The following DLC1 variants were observed in gnomAD, a reference collection of about 807,000 sequenced individuals.
DLC1 encodes the protein rho GTPase-activating protein 7.
DLC1 carries 54 observed loss-of-function variants against 140.3 expected under a neutral mutation model. The ratio of observed to expected loss-of-function variants is 0.38; its 90% CI spans 0.31 to 0.48. DLC1 has a LOEUF of 0.48. DLC1 is among the 20% of genes least tolerant of loss of function. The pLI, the probability that DLC1 is intolerant of heterozygous loss-of-function variation, is 0.96. For missense variants in DLC1, 2,536 were observed against 1,907.0 expected (o/e 1.33, Z -6.14); for synonymous variants, 986 against 728.1 (o/e 1.35, Z -5.70).
Position 13,419,614 on chromosome 8 carries a change from C to A in DLC1, c.1024-17995G>T, listed in dbSNP as rs192899954. On this transcript the variant is annotated intron_variant, in intron 2 of 17. Transcript: ENST00000276297. ...TTGATGTGCTGCTGCATTCTGTTTG[C>A]CAGTATTTTATTGAGGATTTTTGCA... Among the ~76,000 whole-genome samples the A allele has an allele frequency of 1.8e-3, 273 of 152,270 alleles. 1 individual carries two copies. Among genetic ancestry groups the A allele is most frequent in the African/African-American group, 6.4e-3 (265 of 41,572 alleles).
chr8:13,210,739 G>T (rs1827896522), intron 5 of DLC1, among the ~76,000 whole-genome samples: 1 of 152,164 alleles, frequency 6.6e-6, no homozygotes, highest in Non-Finnish European at 1.5e-5. Context: ...TCAGTGACTT[G>T]ATAGTTAAAT....
intron 4 of DLC1, among the ~76,000 whole-genome samples, chr8:13,369,532 A>G (rs1185668245): frequency 6.6e-6 from 1 of 152,118 alleles, no homozygotes; most frequent in Non-Finnish European, 1.5e-5. Context: ...GTTTCCTTTG[A>G]TGAGTTCTCT....
chr8:13,345,707 G>C (rs1041332027), intron 4 of DLC1, among the ~76,000 whole-genome samples: 1 of 151,710 alleles, frequency 6.6e-6, no homozygotes, highest in African/African-American at 2.4e-5. Context: ...ACAGGCACCT[G>C]CCACCACGCC....
intron 2 of DLC1, among the ~76,000 whole-genome samples, chr8:13,407,069 A>C (rs182039820): frequency 6.6e-6 from 1 of 152,204 alleles, no homozygotes. Flanking sequence ...TCTTTCAGAC[A>C]TAGGTCAATA....
At chr8:13,395,102 T>C (rs756334004) in intron 3 of DLC1, among the ~76,000 whole-genome samples, 1 of 144,112 alleles carries the variant, frequency 6.9e-6, no homozygotes, top group Non-Finnish European at 1.5e-5. Context: ...TATCCATCTA[T>C]GCATCCATCT....
intron 5 of DLC1, among the ~76,000 whole-genome samples, chr8:13,148,421 T>TA (rs1265754007): frequency 6.6e-6 from 1 of 152,220 alleles, no homozygotes; most frequent in African/African-American, 2.4e-5. Flanking sequence ...CTGAGGATAA[T>TA]AGCCTCCAGC....
At chr8:13,138,532 T>C (rs1438633121) in intron 5 of DLC1, among the ~76,000 whole-genome samples, 1 of 152,194 alleles carries the variant, frequency 6.6e-6, no homozygotes, top group Non-Finnish European at 1.5e-5. Context: ...ACTTGGAAAA[T>C]GTTATAATTT....
rs563405674 is a variant in DLC1, at chr8:13,317,539, G to C, written c.1315-12237C>G. Among the ~76,000 whole-genome samples, 6 of 152,232 alleles carry C rather than the reference G, an allele frequency of 3.9e-5. No individual in the cohort carries two copies. In the South Asian group the frequency reaches 1.2e-3, roughly 32 times the overall value. On this transcript the variant is annotated intron_variant, in intron 4 of 17. Transcript: ENST00000276297. The stretch of plus-strand genomic sequence containing the variant: ...GAGAAGGAAATAAATTCGAATTCTA[G>C]GAGAAAAGATAGAGACGAAATGGCT...
intron 2 of DLC1, among the ~76,000 whole-genome samples, chr8:13,443,657 CAAA>C (rs11321891): frequency 6.0e-5 from 4 of 67,020 alleles, no homozygotes; most frequent in African/African-American, 1.8e-4. Context: ...GACTCCGTCT[CAAA>C]AAAAAAAAAA....
intron 5 of DLC1, among the ~76,000 whole-genome samples, chr8:13,138,561 C>G (rs1349526581): frequency 2.0e-5 from 3 of 152,122 alleles, no homozygotes; most frequent in Non-Finnish European, 4.4e-5. Context: ...TGCAGCATTG[C>G]AAAATTACAG....
intron 4 of DLC1, among the ~76,000 whole-genome samples, chr8:13,313,144 C>G (rs1182211126): frequency 1.3e-5 from 2 of 152,062 alleles, no homozygotes; most frequent in African/African-American, 2.4e-5. Context: ...CACTGTTTTC[C>G]TTAAAATGCT....
chr8:13,200,200 G>A (rs1056435539), intron 5 of DLC1, among the ~76,000 whole-genome samples: 1 of 151,638 alleles, frequency 6.6e-6, no homozygotes, highest in African/African-American at 2.4e-5. Flanking sequence ...ATGCTACCAC[G>A]CCCTGCAAAT....
chr8:13,127,267 C>T (rs1821660922), intron 5 of DLC1, among the ~76,000 whole-genome samples: 1 of 152,170 alleles, frequency 6.6e-6, no homozygotes, highest in South Asian at 2.1e-4. Context: ...TTAAGACCTT[C>T]ATTTTGTTTA....
intron 2 of DLC1, among the ~76,000 whole-genome samples, chr8:13,445,029 A>G (rs1798712522): frequency 6.6e-6 from 1 of 152,140 alleles, no homozygotes; most frequent in African/African-American, 2.4e-5. Flanking sequence ...AGAGACAGAG[A>G]TTGAGAGAAG....
intron 1 of DLC1, among the ~76,000 whole-genome samples, chr8:13,569,737 A>T (rs1333534818): frequency 6.6e-6 from 1 of 152,158 alleles, no homozygotes; most frequent in African/African-American, 2.4e-5. Context: ...CTTATTTATT[A>T]TTGAGACAGG....
At chr8:13,100,904 GTTT>G (rs371679768) in intron 8 of DLC1, 134 bp from the exon 9 acceptor site, 24,490 of 586,840 alleles carry the variant, frequency 0.042, 35 homozygotes, top group South Asian at 0.057. Context: ...TAATTTTAAA[GTTT>G]TTTTTTTTTT....
intron 2 of DLC1, among the ~76,000 whole-genome samples, chr8:13,466,816 T>A (rs926020257): frequency 6.6e-6 from 1 of 152,192 alleles, no homozygotes; most frequent in African/African-American, 2.4e-5. Context: ...AAACTCAAAC[T>A]TGCTGGAAAT....
At chr8:13,248,250 T>A in intron 5 of DLC1, among the ~76,000 whole-genome samples, 1 of 152,218 alleles carries the variant, frequency 6.6e-6, no homozygotes, top group East Asian at 1.9e-4. Context: ...CACACTCTCT[T>A]ATATCCACAG....
At chr8:13,200,209 A>T (rs916232945) in intron 5 of DLC1, among the ~76,000 whole-genome samples, 2 of 150,716 alleles carry the variant, frequency 1.3e-5, no homozygotes, top group African/African-American at 2.4e-5. Flanking sequence ...CGCCCTGCAA[A>T]TTTTTTCTAT....
Sources: allele counts gnomAD v4.1 joint callset (sites outside exome capture counted in the v4.1 genomes callset), GRCh38; gene constraint gnomAD v4.1.1; transcripts MANE v1.5; gene names NCBI Gene and HGNC (gene_info 2026-07-23, HGNC 2026-07-21).